FAM13A: variants seen among roughly 807,000 people sequenced by gnomAD.
The protein encoded by FAM13A is family with sequence similarity 13 member A.
FAM13A carries 76 observed loss-of-function variants against 129.6 expected under a neutral mutation model. The observed-to-expected ratio is 0.59, with a 90% CI of 0.49 to 0.71. FAM13A has a LOEUF of 0.71. Among genes scored for constraint, FAM13A ranks in the 30% least tolerant of loss-of-function variants. FAM13A has a pLI of 0.00. For missense variants in FAM13A, 1,108 were observed against 1,249.3 expected (o/e 0.89, Z 1.70); for synonymous variants, 443 against 449.9 (o/e 0.98, Z 0.20).
chr4:88,919,617 C>T (rs892945817), intron 5 of FAM13A, among the ~76,000 whole-genome samples: 4 of 152,314 alleles, frequency 2.6e-5, no homozygotes, highest in East Asian at 1.9e-4. Context: ...CCAGCATGAG[C>T]GACGCAGAAG....
At chr4:88,753,543 G>A (rs987305821) in intron 14 of FAM13A, 4 of 253,824 alleles carry the variant, frequency 1.6e-5, no homozygotes, top group Non-Finnish European at 2.5e-5. Flanking sequence ...AACTATATGA[G>A]TTTCAACTCT....
At chr4:88,967,027 A>G (rs1759445121) in intron 4 of FAM13A, among the ~76,000 whole-genome samples, 1 of 152,206 alleles carries the variant, frequency 6.6e-6, no homozygotes, top group Non-Finnish European at 1.5e-5. Context: ...AGCCGCATGC[A>G]TTGTGAAAGT....
At chr4:88,887,823 G>T (rs1303358540) in intron 6 of FAM13A, among the ~76,000 whole-genome samples, 1 of 152,068 alleles carries the variant, frequency 6.6e-6, no homozygotes, top group Non-Finnish European at 1.5e-5. Flanking sequence ...GTGAGCCACC[G>T]TGCCTGGTCC....
intron 1 of FAM13A, among the ~76,000 whole-genome samples, chr4:89,053,807 C>T (rs1359258038): frequency 6.6e-6 from 1 of 152,142 alleles, no homozygotes; most frequent in Non-Finnish European, 1.5e-5. Context: ...CATTTCAACT[C>T]CTCCTTCTTC....
chr4:89,016,607 A>C (rs746471816), intron 3 of FAM13A, among the ~76,000 whole-genome samples: 3 of 151,922 alleles, frequency 2.0e-5, no homozygotes, highest in African/African-American at 7.3e-5. Flanking sequence ...TTTATACTAT[A>C]TTTTTACGTA....
At chr4:88,823,391 C>T in intron 7 of FAM13A, 1 of 938,954 alleles carries the variant, frequency 1.1e-6, no homozygotes, top group Non-Finnish European at 1.3e-6. Flanking sequence ...CCTCCTCCTC[C>T]TTCTCTCCTC....
chr4:89,017,162 G>A (rs1766610989), intron 3 of FAM13A, among the ~76,000 whole-genome samples: 1 of 152,108 alleles, frequency 6.6e-6, no homozygotes, highest in Non-Finnish European at 1.5e-5. Context: ...GTATTTTTCA[G>A]AAAGTATTTA....
chr4:88,938,129 G>T lies in FAM13A; in HGVS notation c.718C>A (p.His240Asn). 10 of 1,613,364 alleles carry T rather than the reference G, an allele frequency of 6.2e-6. No individual in the cohort carries two copies. The highest frequency in any genetic ancestry group is 8.5e-6 in the Non-Finnish European group (10 of 1,179,450). The change falls in exon 5 of 24, where the codon CAT becomes AAT. Residue 240 changes from histidine (H) to asparagine (N), a missense_variant. By Grantham distance (68) the His-to-Asn change is moderately conservative. Around this residue, in one of 3 missense-constraint regions of FAM13A, gnomAD observed 566 missense variants for 595.7 expected, o/e 0.95. Transcript: ENST00000264344. ...LFEVEYTEND[H>N]LRCENLARLI... ...CTAGCCAGGTTTTCACATCTCAGAT[G>T]ATCATTTTCTGTATACTCTACTTCA...
intron 2 of FAM13A, among the ~76,000 whole-genome samples, chr4:89,028,884 AC>A (rs1768337785): frequency 6.6e-6 from 1 of 152,284 alleles, no homozygotes; most frequent in East Asian, 1.9e-4. Flanking sequence ...GCTCTCAATA[AC>A]TAAATGAGAT....
intron 6 of FAM13A, among the ~76,000 whole-genome samples, chr4:88,902,736 A>G (rs1003640995): frequency 2.0e-5 from 3 of 152,200 alleles, no homozygotes; most frequent in Non-Finnish European, 4.4e-5. Flanking sequence ...CCCATTCAAC[A>G]TAATATCAGA....
At chr4:88,976,294 A>C (rs1002360767) in intron 4 of FAM13A, among the ~76,000 whole-genome samples, 1 of 152,120 alleles carries the variant, frequency 6.6e-6, no homozygotes. Context: ...CTGCATTCTC[A>C]CAGATAATGA....
At chr4:89,050,847 G>A (rs766315293) in intron 1 of FAM13A, among the ~76,000 whole-genome samples, 36 of 152,144 alleles carry the variant, frequency 2.4e-4, no homozygotes, top group South Asian at 6.2e-4. Flanking sequence ...AGAATTGTTC[G>A]AACTCAGGAG....
At chr4:88,857,190 G>A (rs1020290391) in intron 6 of FAM13A, among the ~76,000 whole-genome samples, 1 of 151,914 alleles carries the variant, frequency 6.6e-6, no homozygotes, top group Non-Finnish European at 1.5e-5. Flanking sequence ...AGTAAAAATG[G>A]GACAATGTTA....
At chr4:88,960,216 A>C (rs139932811) in intron 4 of FAM13A, among the ~76,000 whole-genome samples, 16 of 152,360 alleles carry the variant, frequency 1.1e-4, no homozygotes, top group African/African-American at 3.6e-4. Context: ...AAATGCTATA[A>C]GAAATCCGTC....
intron 3 of FAM13A, among the ~76,000 whole-genome samples, chr4:88,993,191 G>A (rs1033167404): frequency 6.6e-6 from 1 of 152,020 alleles, no homozygotes; most frequent in African/African-American, 2.4e-5. Flanking sequence ...TAAATAGCAG[G>A]GATATATAAG....
At chr4:89,044,447 G>A (rs1483147277) in intron 1 of FAM13A, among the ~76,000 whole-genome samples, 1 of 152,082 alleles carries the variant, frequency 6.6e-6, no homozygotes, top group Non-Finnish European at 1.5e-5. Flanking sequence ...GTTAAGAGGT[G>A]GAAAAGTTGT....
chr4:88,984,335 G>T lies in FAM13A; in HGVS notation c.605+6638C>A, dbSNP rs568220747. ...AAAACCTCTGCACTTAAAAGGACATGATCAAGAAAATGAAAAGGCAACTTA... is the reference window on the plus strand; with the variant it reads ...AAAACCTCTGCACTTAAAAGGACATTATCAAGAAAATGAAAAGGCAACTTA... On this transcript the variant is annotated intron_variant, in intron 4 of 23. Coordinates refer to ENST00000264344, the MANE Select transcript of FAM13A (RefSeq NM_014883.4). Among the ~76,000 whole-genome samples, 3 of 152,150 alleles carry T rather than the reference G, an allele frequency of 2.0e-5. No homozygotes were observed. The South Asian group carries it at 6.2e-4, about 32-fold the overall frequency.
intron 5 of FAM13A, among the ~76,000 whole-genome samples, chr4:88,917,931 T>C (rs1316305301): frequency 6.6e-6 from 1 of 152,164 alleles, no homozygotes; most frequent in African/African-American, 2.4e-5. Flanking sequence ...TGACCAGAAA[T>C]GAGAAGACTC....
At chr4:88,785,891 GC>G (rs1294414781) in intron 10 of FAM13A, among the ~76,000 whole-genome samples, 2 of 152,130 alleles carry the variant, frequency 1.3e-5, no homozygotes, top group African/African-American at 4.8e-5. Context: ...CTCACTCAAT[GC>G]CCAACTGTGA....
Sources: allele counts gnomAD v4.1 joint callset (sites outside exome capture counted in the v4.1 genomes callset), GRCh38; gene constraint gnomAD v4.1.1; regional missense constraint gnomAD v4.1.1; transcripts MANE v1.5; gene names NCBI Gene and HGNC (gene_info 2026-07-23, HGNC 2026-07-21).